The following SPNS3 variants were observed in gnomAD, a reference collection of about 807,000 sequenced individuals.
SPNS3 encodes SPNS lysolipid transporter 3, sphingosine-1-phosphate (putative), also known as protein spinster homolog 3.
A neutral mutation model predicts 54.4 loss-of-function variants in SPNS3; 51 were observed. The ratio of observed to expected loss-of-function variants is 0.94; its 90% CI spans 0.75 to 1.18. SPNS3 has a LOEUF of 1.18. SPNS3 is among the 50% of genes most tolerant of loss of function. The pLI is 0.00. For synonymous variants in SPNS3, 309 were observed against 294.7 expected (o/e 1.05, Z -0.50); for missense variants, 669 against 677.4 (o/e 0.99, Z 0.14).
intron 6 of SPNS3, among the ~76,000 whole-genome samples, chr17:4,448,807 C>T (rs1380061644): frequency 1.3e-5 from 2 of 152,200 alleles, no homozygotes; most frequent in Non-Finnish European, 2.9e-5. Flanking sequence ...GGATTCAATT[C>T]TGTTACTGAG....
intron 8 of SPNS3, among the ~76,000 whole-genome samples, chr17:4,458,968 A>G (rs1002988231): frequency 1.3e-5 from 2 of 151,984 alleles, no homozygotes; most frequent in African/African-American, 4.8e-5. Flanking sequence ...TTATTCCTCC[A>G]CTGAAGTCCT....
intron 8 of SPNS3, among the ~76,000 whole-genome samples, chr17:4,471,060 G>C (rs1288940318): frequency 6.6e-6 from 1 of 152,166 alleles, no homozygotes; most frequent in Admixed American, 6.6e-5. Flanking sequence ...GAGTAGCTGG[G>C]ATTATAGGCA....
At chr17:4,468,686 A>G (rs1380508072) in intron 8 of SPNS3, among the ~76,000 whole-genome samples, 3 of 142,550 alleles carry the variant, frequency 2.1e-5, no homozygotes, top group African/African-American at 7.6e-5. Context: ...AGGACATTCA[A>G]CTGGACCTCT....
chr17:4,486,958 G>A lies in SPNS3; in HGVS notation c.1450+375G>A, dbSNP rs1972336654. On this transcript the variant is annotated intron_variant, in intron 11 of 11. Coordinates refer to ENST00000355530, the MANE Select transcript of SPNS3 (RefSeq NM_182538.5). The surrounding 1 kb of genome is among the most constrained non-coding windows in gnomAD (Gnocchi z 5.5). ...GGAGGCCAAGGCGGGCGGATTACAA[G>A]GTTAGGAGTTCAAGACCAGCCTGGG... Among the ~76,000 whole-genome samples, 1 of 152,064 alleles carries A rather than the reference G, an allele frequency of 6.6e-6. No homozygotes were observed. The highest frequency in any genetic ancestry group is 1.5e-5 in the Non-Finnish European group (1 of 67,994).
chr17:4,469,702 A>G (rs1486095204), intron 8 of SPNS3, among the ~76,000 whole-genome samples: 1 of 151,572 alleles, frequency 6.6e-6, no homozygotes, highest in Non-Finnish European at 1.5e-5. Context: ...ATTTAAAGCC[A>G]TGAGACCAAA....
intron 9 of SPNS3, among the ~76,000 whole-genome samples, chr17:4,481,724 T>G (rs1209560270): frequency 6.6e-6 from 1 of 152,150 alleles, no homozygotes; most frequent in East Asian, 1.9e-4. Context: ...GGTCTTGGTT[T>G]GCTCACCTGT....
intron 8 of SPNS3, among the ~76,000 whole-genome samples, chr17:4,459,685 C>G (rs1385435325): frequency 6.6e-6 from 1 of 152,030 alleles, no homozygotes; most frequent in Non-Finnish European, 1.5e-5. Flanking sequence ...TGCACTCCAG[C>G]CTGGGCGACA....
chr17:4,449,294 T>C lies in SPNS3; in HGVS notation c.830T>C (p.Leu277Pro). 1 of 1,612,600 alleles carries C rather than the reference T, an allele frequency of 6.2e-7. No homozygotes were observed. The highest frequency in any genetic ancestry group is 8.5e-7 in the Non-Finnish European group (1 of 1,179,944). Residue 277 changes from leucine to proline, a missense_variant, in exon 7 of 12, where the codon CTG (leucine) becomes CCG (proline). By Grantham distance (98) the Leu-to-Pro change is moderately conservative. Transcript: ENST00000355530. ...VTAMAFVTGA[L>P]GFWAPKFLLE... is the part of the protein sequence containing the mutation. The stretch of plus-strand genomic sequence containing the variant: ...GCCATGGCCTTTGTGACTGGAGCCC[T>C]GGGGTTCTGGGCCCCCAAGTTTCTG...
At position 4,446,094 on chromosome 17, in the gene SPNS3, C is replaced by T. The variant is rs147085241; in HGVS notation, c.449C>T (p.Ser150Leu). 1,145 of 1,613,148 alleles carry T rather than the reference C, an allele frequency of 7.1e-4. 3 individuals are homozygous for T. The highest frequency in any genetic ancestry group is 9.3e-4 in the Non-Finnish European group (1,096 of 1,179,306). Residue 150 changes from serine to leucine, a missense_variant, in exon 4 of 12, where the codon TCG becomes TTG. By Grantham distance (145) the Ser-to-Leu change is moderately radical. Coordinates refer to ENST00000355530, the MANE Select transcript of SPNS3 (RefSeq NM_182538.5). Reference protein sequence around the residue: ...FLSRGIVGTGSASYSTIAPTV... With the variant: ...FLSRGIVGTGLASYSTIAPTV... ...TCCCGGGGCATCGTGGGCACTGGCT[C>T]GGCCAGCTACTCCACCATCGCGCCC...
chr17:4,478,376 C>T (rs1248129529), intron 8 of SPNS3, among the ~76,000 whole-genome samples, 196 bp from the exon 9 acceptor site: 1 of 152,264 alleles, frequency 6.6e-6, no homozygotes, highest in East Asian at 1.9e-4. Context: ...GCTTATGGGT[C>T]CTGGCTCTGT....
chr17:4,446,345 C>G, intron 4 of SPNS3, 146 bp downstream of exon 4: 1 of 857,616 alleles, frequency 1.2e-6, no homozygotes, highest in African/African-American at 1.7e-5. Flanking sequence ...CCATGTGAGT[C>G]TACCTCTCCT....
chr17:4,448,229 C>G lies in SPNS3; in HGVS notation c.696C>G (p.Ala232=), dbSNP rs141783753. 1.2e-6 allele frequency: 2 copies of G among 1,602,550 alleles called. No homozygotes were observed. Among genetic ancestry groups the G allele is most frequent in the Non-Finnish European group, 1.7e-6 (2 of 1,174,934 alleles). ...TTCCAGACCCACCCCGGGGAGCTGC[C>G]GAGACACAGGGGGAGGGGGCCGTGG... is the stretch of plus-strand genomic sequence containing the variant. ...LLVPDPPRGA[A]ETQGEGAVGG... is the part of the protein sequence containing the mutation. The change falls in exon 6 of 12, where the codon GCC becomes GCG. Residue 232 remains alanine, a synonymous_variant. Coordinates refer to ENST00000355530, the MANE Select transcript of SPNS3 (RefSeq NM_182538.5).
chr17:4,436,698 G>A (rs1416413612), intron 1 of SPNS3, among the ~76,000 whole-genome samples: 2 of 152,256 alleles, frequency 1.3e-5, no homozygotes, highest in Non-Finnish European at 2.9e-5. Context: ...CTTCTTGGGT[G>A]CCAGACTGGG....
At chr17:4,439,897 T>G (rs528812791) in intron 2 of SPNS3, among the ~76,000 whole-genome samples, 174 bp downstream of exon 2, 1 of 152,136 alleles carries the variant, frequency 6.6e-6, no homozygotes, top group South Asian at 2.1e-4. Flanking sequence ...GAGCCTGGGC[T>G]GGAACAGCCA....
Position 4,446,155 on chromosome 17 carries a change from C to T in SPNS3, c.510C>T (p.Arg170=), listed in dbSNP as rs1233907206. Reference sequence around the variant, plus strand: ...GCGACCTCTTCGTGAGGGACCAGCGCACCCGCGTGCTGGCTGTCTTCTACA... The same window carrying T: ...GCGACCTCTTCGTGAGGGACCAGCGTACCCGCGTGCTGGCTGTCTTCTACA... ...VLGDLFVRDQ[R]TRVLAVFYIF... is the part of the protein sequence containing the mutation. The change falls in exon 4 of 12, where the codon CGC becomes CGT. Residue 170 remains arginine (R), a synonymous_variant. Transcript: ENST00000355530. 2 of 1,613,440 alleles carry T rather than the reference C, an allele frequency of 1.2e-6. No homozygotes were observed. Among genetic ancestry groups the T allele is most frequent in the South Asian group, 2.2e-5 (2 of 91,038 alleles).
chr17:4,462,762 C>T (rs1195213972), intron 8 of SPNS3, among the ~76,000 whole-genome samples: 4 of 79,006 alleles, frequency 5.1e-5, no homozygotes, highest in Non-Finnish European at 2.3e-5. Flanking sequence ...CCAATCCATC[C>T]ATCCATCCAT....
chr17:4,468,747 TTCTTTCTTTCTTTCTC>T (rs1217787599), intron 8 of SPNS3, among the ~76,000 whole-genome samples: 16 of 142,880 alleles, frequency 1.1e-4, no homozygotes, highest in Non-Finnish European at 2.2e-4. Flanking sequence ...CTTTCTTTCT[TTCTTTCTTTCTTTCTC>T]TCTTTCTTTT....
chr17:4,462,840 A>T (rs190027534), intron 8 of SPNS3, among the ~76,000 whole-genome samples: 44 of 8,758 alleles, frequency 5.0e-3, no homozygotes, highest in African/African-American at 7.8e-3. Flanking sequence ...CATCCATTCA[A>T]CCACGCACCC....
At chr17:4,466,270 G>A (rs1483448983) in intron 8 of SPNS3, among the ~76,000 whole-genome samples, 1 of 152,052 alleles carries the variant, frequency 6.6e-6, no homozygotes, top group Non-Finnish European at 1.5e-5. Context: ...GGCCAGGCAC[G>A]GTAGCTCATG....
Sources: gnomAD v4.1 joint callset for allele counts (sites outside exome capture counted in the v4.1 genomes callset) on GRCh38, gnomAD v4.1.1 for gene constraint, Gnocchi (gnomAD v3.1) non-coding constraint, MANE v1.5 for transcripts, NCBI Gene and HGNC (gene_info 2026-07-23, HGNC 2026-07-21) for gene names.